The following PDILT variants were observed in gnomAD, a reference collection of about 807,000 sequenced individuals.
PDILT encodes the protein protein disulfide isomerase like, testis expressed, also known as protein disulfide-isomerase-like protein of the testis.
PDILT carries 43 observed loss-of-function variants against 53.7 expected under a neutral mutation model. The observed-to-expected ratio is 0.80, with a 90% CI of 0.63 to 1.03. The LOEUF is 1.03. PDILT is among the 50% of genes least tolerant of loss of function. The pLI is 0.00. For synonymous variants in PDILT, 282 were observed against 274.2 expected (o/e 1.03, Z -0.28); for missense variants, 727 against 712.3 (o/e 1.02, Z -0.24).
intron 9 of PDILT, among the ~76,000 whole-genome samples, chr16:20,363,785 G>T (rs913622585): frequency 6.6e-6 from 1 of 152,060 alleles, no homozygotes; most frequent in African/African-American, 2.4e-5. Flanking sequence ...AGTGTGACAG[G>T]TATAATTACT....
intron 2 of PDILT, among the ~76,000 whole-genome samples, chr16:20,395,945 C>T (rs144063049): frequency 3.3e-5 from 5 of 152,302 alleles, no homozygotes; most frequent in Non-Finnish European, 5.9e-5. Flanking sequence ...CCAAATAAAG[C>T]TTTATTGTTT....
Position 20,369,544 on chromosome 16 carries a change from G to A in PDILT, c.1064C>T (p.Thr355Ile). ...ARYKMPSDDI[T>I]YESLKKFGRS... ...GCCAAATTTCTTGAGGCTTTCGTAG[G>A]TTATGTCATCTGAAGGCATTTTGTA... Residue 355 changes from threonine (T) to isoleucine (I), a missense_variant, in exon 8 of 12, where the codon ACC becomes ATC. Thr to Ile is a moderately conservative substitution (Grantham distance 89). Transcript: ENST00000302451. 1 of 1,614,194 alleles carries A rather than the reference G, an allele frequency of 6.2e-7. No individual in the cohort carries two copies. Among genetic ancestry groups the A allele is most frequent in the Non-Finnish European group, 8.5e-7 (1 of 1,180,042 alleles).
At chr16:20,378,570 C>T (rs1365179354) in intron 3 of PDILT, among the ~76,000 whole-genome samples, 2 of 152,132 alleles carry the variant, frequency 1.3e-5, no homozygotes, top group African/African-American at 4.8e-5. Context: ...CTTTAAGCCC[C>T]GCGTGCATTA....
At chr16:20,379,815 G>C (rs1272412950) in intron 3 of PDILT, among the ~76,000 whole-genome samples, 1 of 152,178 alleles carries the variant, frequency 6.6e-6, no homozygotes, top group Non-Finnish European at 1.5e-5. Context: ...GGCTTCAAGA[G>C]AAGAGAGAAG....
chr16:20,360,502 G>T lies in PDILT; in HGVS notation c.1506+66C>A, dbSNP rs949780102. ...GGAACTCCAGCCATACTCTTTTGTTGTCCATTAAGTTCCTAGGGATTCTGT... is the reference window on the plus strand; with the variant it reads ...GGAACTCCAGCCATACTCTTTTGTTTTCCATTAAGTTCCTAGGGATTCTGT... On this transcript the variant is annotated intron_variant, in intron 11 of 11. Coordinates refer to ENST00000302451, the MANE Select transcript of PDILT (RefSeq NM_174924.2). The T allele has an allele frequency of 6.6e-6, 9 of 1,356,778 alleles. No homozygotes were observed. The African/African-American group carries it at 1.0e-4, about 15-fold the overall frequency. 84.0% of individuals were successfully genotyped at this position (1,356,778 alleles called of 1,614,324 possible). A position where few individuals can be genotyped will look rare whatever the true frequency, so the allele number is the denominator to read the frequency against.
At chr16:20,378,614 C>T (rs894160782) in intron 3 of PDILT, among the ~76,000 whole-genome samples, 1 of 152,164 alleles carries the variant, frequency 6.6e-6, no homozygotes, top group African/African-American at 2.4e-5. Flanking sequence ...TTCCCTCGCC[C>T]TCCACTCCCA....
chr16:20,380,913 T>C (rs1369173147), intron 3 of PDILT, among the ~76,000 whole-genome samples: 1 of 152,192 alleles, frequency 6.6e-6, no homozygotes, highest in East Asian at 1.9e-4. Flanking sequence ...CTCTGCAAAT[T>C]GTTGATTCCT....
intron 3 of PDILT, among the ~76,000 whole-genome samples, chr16:20,376,714 T>C (rs1020469171): frequency 2.6e-5 from 4 of 152,156 alleles, no homozygotes; most frequent in Admixed American, 2.6e-4. Context: ...GCAGCCCCCA[T>C]TCCTCAGCTG....
At chr16:20,391,910 C>T (rs906583027) in intron 2 of PDILT, among the ~76,000 whole-genome samples, 4 of 151,528 alleles carry the variant, frequency 2.6e-5, no homozygotes, top group African/African-American at 9.7e-5. Context: ...ATGGAAGCTG[C>T]AAGTGCAAAG....
intron 8 of PDILT, among the ~76,000 whole-genome samples, chr16:20,367,039 CTTTCTTTCTTTCTTTCTTTCTT>C (rs1966213843): frequency 3.6e-5 from 1 of 27,674 alleles, no homozygotes; most frequent in Non-Finnish European, 8.6e-5. Flanking sequence ...TTCTTTCTTT[CTTTCTTTCTTTCTTTCTTTCTT>C]TCTTTCTTTC....
rs1019138916 is a variant in PDILT at position 20,374,656 on chromosome 16, G to A, written c.681+166C>T. ...GAGAAGGAGCTTAAGATGGTAAATG[G>A]CTGGAAAGGTTGGAGCAACACTGGG... On this transcript the variant is annotated intron_variant, in intron 5 of 11. Transcript: ENST00000302451. Among the ~76,000 whole-genome samples, 14 of 152,250 alleles carry A rather than the reference G, an allele frequency of 9.2e-5. No homozygotes were observed. The Middle Eastern group carries it at 0.017, about 185-fold the overall frequency.
intron 3 of PDILT, among the ~76,000 whole-genome samples, chr16:20,378,856 C>A (rs1966422610): frequency 6.6e-6 from 1 of 152,136 alleles, no homozygotes. Flanking sequence ...TCTGCCTGTT[C>A]CTGAACTTCA....
At chr16:20,362,942 T>C (rs1473854220) in intron 9 of PDILT, among the ~76,000 whole-genome samples, 1 of 151,198 alleles carries the variant, frequency 6.6e-6, no homozygotes, top group Non-Finnish European at 1.5e-5. Flanking sequence ...CATGATGGCG[T>C]GCACCTGTAA....
At chr16:20,378,982 T>C (rs1966424088) in intron 3 of PDILT, among the ~76,000 whole-genome samples, 1 of 152,032 alleles carries the variant, frequency 6.6e-6, no homozygotes, top group African/African-American at 2.4e-5. Flanking sequence ...TTGTCCATTC[T>C]CTGCTAATGG....
intron 2 of PDILT, among the ~76,000 whole-genome samples, chr16:20,393,439 A>C (rs1336520323): frequency 6.6e-6 from 1 of 152,252 alleles, no homozygotes; most frequent in Non-Finnish European, 1.5e-5. Context: ...AGCAACACGC[A>C]TGTTCAATAT....
Position 20,365,543 on chromosome 16 carries a change from A to C in PDILT, c.1117-3T>G, listed in dbSNP as rs748537071. Reference sequence around the variant, plus strand: ...ATCTCTTCACTGGATTGATGTTTCTAGGAAGCACATTTGAGAGGCCTAAGA... The same window carrying C: ...ATCTCTTCACTGGATTGATGTTTCTCGGAAGCACATTTGAGAGGCCTAAGA... On this transcript the variant is annotated splice_region_variant and splice_polypyrimidine_tract_variant and intron_variant, in intron 8 of 11. Coordinates refer to ENST00000302451, the MANE Select transcript of PDILT (RefSeq NM_174924.2). The C allele has an allele frequency of 5.6e-6, 9 of 1,614,162 alleles. No homozygotes were observed. Among genetic ancestry groups the C allele is most frequent in the Non-Finnish European group, 6.8e-6 (8 of 1,179,990 alleles).
In PDILT at chr16:20,373,140, A is replaced by T. The variant is rs753855842; in HGVS notation, c.682-18T>A. The T allele has an allele frequency of 6.3e-7, 1 of 1,593,840 alleles. No individual in the cohort carries two copies. The highest frequency in any genetic ancestry group is 1.3e-5 in the African/African-American group (1 of 74,446). On this transcript the variant is annotated intron_variant, in intron 5 of 11. Transcript: ENST00000302451. ...ATTTTTCCCTTGTACAAAAGGAGAAACATATTGGAGGACAGTAGCTTTCAT... is the reference window on the plus strand; with the variant it reads ...ATTTTTCCCTTGTACAAAAGGAGAATCATATTGGAGGACAGTAGCTTTCAT...
chr16:20,385,020 T>C (rs75966044), intron 2 of PDILT, among the ~76,000 whole-genome samples, 169 bp from the exon 3 acceptor site: 2,020 of 152,330 alleles, frequency 0.013, 43 homozygotes, highest in African/African-American at 0.045. Context: ...TTCATGAAAT[T>C]AGACAATCTG....
At chr16:20,398,488 G>T (rs1966689547) in intron 2 of PDILT, among the ~76,000 whole-genome samples, 1 of 152,170 alleles carries the variant, frequency 6.6e-6, no homozygotes, top group Non-Finnish European at 1.5e-5. Flanking sequence ...AAAGTTAGCT[G>T]GGTGTGGTGG....
Sources: allele counts gnomAD v4.1 joint callset (sites outside exome capture counted in the v4.1 genomes callset), GRCh38; gene constraint gnomAD v4.1.1; transcripts MANE v1.5; gene names NCBI Gene and HGNC (gene_info 2026-07-23, HGNC 2026-07-21).